NOTCH1: variants seen among roughly 807,000 people sequenced by gnomAD.
NOTCH1 encodes notch receptor 1, also known as neurogenic locus notch homolog protein 1.
NOTCH1 carries 37 observed loss-of-function variants against 254.8 expected under a neutral mutation model. The ratio of observed to expected loss-of-function variants is 0.15; its 90% CI spans 0.11 to 0.19. NOTCH1 has a LOEUF of 0.19. Among genes scored for constraint, NOTCH1 ranks in the 10% least tolerant of loss-of-function variants. The pLI, the probability that NOTCH1 is intolerant of heterozygous loss-of-function variation, is 1.00. For synonymous variants in NOTCH1, 1,731 were observed against 1,618.1 expected (o/e 1.07, Z -1.68); for missense variants, 2,972 against 3,708.6 (o/e 0.80, Z 5.16).
In NOTCH1 at chr9:136,506,494, C is replaced by G. The variant is rs189550952; in HGVS notation, c.4014+33G>C. 6 of 1,545,304 alleles carry G rather than the reference C, an allele frequency of 3.9e-6. No homozygotes were observed. The Admixed American group carries it at 9.7e-5, about 25-fold the overall frequency. ...GGACCTCTCCAGGTGTCTCCCCTGG[C>G]GGGCCCCTGCCTCCCTGCACCCCTG... On this transcript the variant is annotated intron_variant, in intron 24 of 33. Transcript: ENST00000651671. This position sits in a 1 kb window ranked among gnomAD's most constrained non-coding sequence, Gnocchi z 4.5.
At position 136,515,349 on chromosome 9, in the gene NOTCH1, G is replaced by A. The variant is rs758837712; in HGVS notation, c.1955C>T (p.Ser652Leu). ...ATCGATCTTGTCCAGACAGGTGCCCGAGTCGCAGGGGCTGCTGGCACAGTC... is the reference window on the plus strand; with the variant it reads ...ATCGATCTTGTCCAGACAGGTGCCCAAGTCGCAGGGGCTGCTGGCACAGTC... ...LDDCASSPCD[S>L]GTCLDKIDGY... The change falls in exon 12 of 34, where the codon TCG (serine) becomes TTG (leucine). Residue 652 changes from serine (S) to leucine (L), a missense_variant. Physicochemically the swap from Ser to Leu is moderately radical, Grantham distance 145. Coordinates refer to ENST00000651671, the MANE Select transcript of NOTCH1 (RefSeq NM_017617.5). 46 of 1,613,046 alleles carry A rather than the reference G, an allele frequency of 2.9e-5. No individual in the cohort carries two copies. The highest frequency in any genetic ancestry group is 5.5e-5 in the South Asian group (5 of 91,088).
At chr9:136,534,323 C>T (rs1459541509) in intron 2 of NOTCH1, among the ~76,000 whole-genome samples, 1 of 152,190 alleles carries the variant, frequency 6.6e-6, no homozygotes, top group Non-Finnish European at 1.5e-5. Context: ...TTTAAACAAC[C>T]AATTCAAGCC....
chr9:136,508,930 C>T lies in NOTCH1; in HGVS notation c.3111G>A (p.Gln1037=). The T allele has an allele frequency of 6.5e-7, 1 of 1,549,716 alleles. No homozygotes were observed. The highest frequency in any genetic ancestry group is 1.2e-5 in the South Asian group (1 of 84,048). Residue 1037 remains glutamine (Q), a synonymous_variant, in exon 19 of 34, where the codon CAG becomes CAA. Coordinates refer to ENST00000651671, the MANE Select transcript of NOTCH1 (RefSeq NM_017617.5). ...TGCACCTGTAGGAGCCGCAGCCGTC[C>T]TGACAGGTGCCGCCATGCAGGCAGG... ...SQPCLHGGTC[Q]DGCGSYRCTC...
rs748468291 is a variant in NOTCH1 at position 136,508,138 on chromosome 9, A to G, written c.3327T>C (p.Gly1109=). The G allele has an allele frequency of 3.7e-6, 6 of 1,607,896 alleles. No individual in the cohort carries two copies. The East Asian group carries it at 6.7e-5, about 18-fold the overall frequency. Residue 1109 remains glycine (G), a splice_region_variant and synonymous_variant, in exon 21 of 34, where the codon GGT becomes GGC. Coordinates refer to ENST00000651671, the MANE Select transcript of NOTCH1 (RefSeq NM_017617.5). ...GCTGGCACAGGCGGGCAACGTCAACACCTGCGGGGGATGGGGTGGTAGACA... is the reference window on the plus strand; with the variant it reads ...GCTGGCACAGGCGGGCAACGTCAACGCCTGCGGGGGATGGGGTGGTAGACA... ...VSCEVAAQRQ[G]VDVARLCQHG...
chr9:136,526,144 G>C (rs924269333), intron 2 of NOTCH1, among the ~76,000 whole-genome samples: 2 of 152,238 alleles, frequency 1.3e-5, no homozygotes, highest in Non-Finnish European at 2.9e-5. Flanking sequence ...CCTGTTGGGA[G>C]GGCAGACGTG....
intron 6 of NOTCH1, 82 bp from the exon 7 acceptor site, chr9:136,518,374 GAC>G (rs2133370139): frequency 6.6e-7 from 1 of 1,519,584 alleles, no homozygotes; most frequent in East Asian, 2.4e-5. Flanking sequence ...CAACCCCACT[GAC>G]ACCCCAGGAG....
chr9:136,513,630 C>T lies in NOTCH1; in HGVS notation c.2208-93G>A, dbSNP rs1008469117. The T allele has an allele frequency of 4.9e-6, 7 of 1,422,888 alleles. No homozygotes were observed. Among genetic ancestry groups the T allele is most frequent in the South Asian group, 2.4e-5 (2 of 84,224 alleles). The allele number at this position is 1,422,888 out of a possible 1,614,324, so 88.1% of individuals were successfully genotyped here. A position where few individuals can be genotyped will look rare whatever the true frequency, so the allele number is the denominator to read the frequency against. On this transcript the variant is annotated intron_variant, in intron 13 of 33. Coordinates refer to ENST00000651671, the MANE Select transcript of NOTCH1 (RefSeq NM_017617.5). The surrounding 1 kb of genome is among the most constrained non-coding windows in gnomAD (Gnocchi z 4.7). Reference sequence around the variant, plus strand: ...GGGTCTGCAATGCCCTATGGGCTGGCGGAGGTGCCCATCCACTCAGACTCG... The same window carrying T: ...GGGTCTGCAATGCCCTATGGGCTGGTGGAGGTGCCCATCCACTCAGACTCG...
At position 136,510,548 on chromosome 9, in the gene NOTCH1, G is replaced by A. The variant is rs532304969; in HGVS notation, c.2740+105C>T. The stretch of plus-strand genomic sequence containing the variant: ...ACCCAACCCTCCCCGGCCACACTCC[G>A]GCCTCCCTGGGTGCTTATGGCCAGC... On this transcript the variant is annotated intron_variant, in intron 17 of 33. Coordinates refer to ENST00000651671, the MANE Select transcript of NOTCH1 (RefSeq NM_017617.5). The A allele has an allele frequency of 2.4e-5, 34 of 1,443,004 alleles. No individual in the cohort carries two copies. In the African/African-American group the frequency reaches 3.2e-4, roughly 14 times the overall value. The allele number at this position is 1,443,004 out of a possible 1,614,324, so 89.4% of individuals were successfully genotyped here. A position where few individuals can be genotyped will look rare whatever the true frequency, so the allele number is the denominator to read the frequency against.
Position 136,518,596 on chromosome 9 carries a change from C to A in NOTCH1, c.1094G>T (p.Arg365Leu), listed in dbSNP as rs775991013. The A allele has an allele frequency of 1.2e-6, 2 of 1,611,796 alleles. No homozygotes were observed. Among genetic ancestry groups the A allele is most frequent in the Non-Finnish European group, 1.7e-6 (2 of 1,179,430 alleles). ...CTGGGCCTCAAGGCACTCACCTGTG[C>A]GGCCATGGGGACACTCGCAGTAGAA... ...ASFYCECPHGRTGLLCHLNDA... is the reference protein window; with the variant it reads ...ASFYCECPHGLTGLLCHLNDA... Residue 365 changes from arginine to leucine, a missense_variant, in exon 6 of 34, where the codon CGC (arginine) becomes CTC (leucine). Transcript: ENST00000651671.
At chr9:136,528,417 C>T (rs796830297) in intron 2 of NOTCH1, among the ~76,000 whole-genome samples, 1 of 2,914 alleles carries the variant, frequency 3.4e-4, no homozygotes, top group Non-Finnish European at 6.6e-4. Flanking sequence ...AGGGACAGTG[C>T]GGGGGGGATG....
chr9:136,525,532 C>T (rs753566963), intron 2 of NOTCH1, among the ~76,000 whole-genome samples: 24 of 152,222 alleles, frequency 1.6e-4, no homozygotes, highest in Non-Finnish European at 2.9e-4. Flanking sequence ...TGGGCATGGC[C>T]TCCTCCAGAT....
chr9:136,511,332 C>A (rs1216130172), intron 15 of NOTCH1, 61 bp from the exon 16 acceptor site: 15 of 1,544,754 alleles, frequency 9.7e-6, no homozygotes, highest in Non-Finnish European at 1.3e-5. Context: ...CCCAAATCGG[C>A]CACCGCCTGC....
Position 136,513,074 on chromosome 9 carries a change from G to A in NOTCH1, c.2414C>T (p.Thr805Met), listed in dbSNP as rs374937899. ...GTACCCGGCAACGTCGTCAATACAC[G>A]TGCCCTGGTTCAGACATGGGTTGGA... ...CASNPCLNQG[T>M]CIDDVAGYKC... The change falls in exon 15 of 34, where the codon ACG becomes ATG. Residue 805 changes from threonine to methionine, a missense_variant. This residue lies in a region of NOTCH1 where 1,343 missense variants were observed against 1,557.0 expected (regional missense o/e 0.86). Coordinates refer to ENST00000651671, the MANE Select transcript of NOTCH1 (RefSeq NM_017617.5). This position sits in a 1 kb window ranked among gnomAD's most constrained non-coding sequence, Gnocchi z 4.7. 32 of 1,542,622 alleles carry A rather than the reference G, an allele frequency of 2.1e-5. No homozygotes were observed. In the East Asian group the frequency reaches 3.8e-4, roughly 18 times the overall value.
Position 136,494,531 on chromosome 9 carries a change from T to C in NOTCH1, c.*1540A>G. The C allele has an allele frequency of 7.5e-6, 3 of 399,020 alleles. No homozygotes were observed. The Admixed American group carries it at 1.3e-4, about 18-fold the overall frequency. 24.7% of individuals were successfully genotyped at this position (399,020 alleles called of 1,614,324 possible). A position where few individuals can be genotyped will look rare whatever the true frequency, so the allele number is the denominator to read the frequency against. ...CTACAGTTCCTCATGTAGATCACTT[T>C]TAAAGTCTTTTTCTGTAAACTACAC... On this transcript the variant is annotated 3_prime_UTR_variant, in exon 34 of 34. Transcript: ENST00000651671.
chr9:136,515,871 C>T, intron 10 of NOTCH1, 110 bp downstream of exon 10: 1 of 1,161,006 alleles, frequency 8.6e-7, no homozygotes. Context: ...TGCTCTCGGC[C>T]TCTGGACCAG....
At chr9:136,512,378 C>T (rs1267427197) in intron 15 of NOTCH1, among the ~76,000 whole-genome samples, 1 of 152,222 alleles carries the variant, frequency 6.6e-6, no homozygotes, top group Non-Finnish European at 1.5e-5. Flanking sequence ...CTGCCCGCTC[C>T]TGGGGAGCGC....
At chr9:136,527,540 C>T (rs980131733) in intron 2 of NOTCH1, among the ~76,000 whole-genome samples, 5 of 152,216 alleles carry the variant, frequency 3.3e-5, no homozygotes, top group African/African-American at 9.6e-5. Context: ...CTATCAGGGG[C>T]GGTGGGGAGA....
rs1009943026 is a variant in NOTCH1 at position 136,545,410 on chromosome 9, G to C, written c.61+316C>G. Among the ~76,000 whole-genome samples the C allele has an allele frequency of 6.6e-6, 1 of 152,110 alleles. No homozygotes were observed. Among genetic ancestry groups the C allele is most frequent in the Admixed American group, 6.5e-5 (1 of 15,302 alleles). On this transcript the variant is annotated intron_variant, in intron 1 of 33. Transcript: ENST00000651671. The surrounding 1 kb of genome is among the most constrained non-coding windows in gnomAD (Gnocchi z 6.8). Reference sequence around the variant, plus strand: ...AGGCAGCCCGCCCGCCCGGCCGACCGGCGGCAAGCCCCACGCGCGGCGGGT... The same window carrying C: ...AGGCAGCCCGCCCGCCCGGCCGACCCGCGGCAAGCCCCACGCGCGGCGGGT...
chr9:136,532,555 C>CG (rs556978158), intron 2 of NOTCH1, among the ~76,000 whole-genome samples: 1 of 152,274 alleles, frequency 6.6e-6, no homozygotes, highest in Admixed American at 6.5e-5. Flanking sequence ...GACACATCCC[C>CG]GGGGGAGCCG....
Sources: gnomAD v4.1 joint callset for allele counts (sites outside exome capture counted in the v4.1 genomes callset) on GRCh38, gnomAD v4.1.1 for gene constraint, gnomAD v4.1.1 regional missense constraint, Gnocchi (gnomAD v3.1) non-coding constraint, MANE v1.5 for transcripts, NCBI Gene and HGNC (gene_info 2026-07-23, HGNC 2026-07-21) for gene names.